SULF2: variants seen among roughly 807,000 people sequenced by gnomAD.
SULF2 encodes the protein sulfatase 2.
Under a neutral mutation model 107.7 loss-of-function variants are expected in SULF2, and 52 were observed. That is an observed-to-expected ratio of 0.48 (90% CI 0.39 to 0.61). The LOEUF (loss-of-function observed/expected upper bound fraction) is 0.61, where lower values mean the gene tolerates loss of function less well. SULF2 is among the 20% of genes least tolerant of loss of function. SULF2 has a pLI of 0.00. For missense variants in SULF2, 993 were observed against 1,177.3 expected (o/e 0.84, Z 2.29); for synonymous variants, 460 against 464.3 (o/e 0.99, Z 0.12).
upstream of SULF2, chr20:47,785,792 C>T (rs898417091): frequency 1.3e-5 from 2 of 149,608 alleles, no homozygotes; most frequent in African/African-American, 4.9e-5. Flanking sequence ...GGGGGCCCAG[C>T]CGCGGTGCCC....
At chr20:47,728,360 G>A (rs1021644665) in intron 3 of SULF2, among the ~76,000 whole-genome samples, 5 of 152,148 alleles carry the variant, frequency 3.3e-5, no homozygotes, top group East Asian at 1.9e-4. Flanking sequence ...ACGGCATCCC[G>A]GGAATAATTT....
chr20:47,768,876 G>GTT (rs2090574153), intron 1 of SULF2, among the ~76,000 whole-genome samples: 1 of 136,552 alleles, frequency 7.3e-6, no homozygotes, highest in Non-Finnish European at 1.6e-5. Context: ...TTGTGTTTGT[G>GTT]TGCGTGTTTT....
rs577011278 is a variant in SULF2, at chr20:47,699,351, C to T, written c.567+3168G>A. 2.3e-3 allele frequency among the ~76,000 whole-genome samples: 356 copies of T among 151,984 alleles called. 2 individuals are homozygous for T. The highest frequency in any genetic ancestry group is 8.1e-3 in the African/African-American group (334 of 41,428). On this transcript the variant is annotated intron_variant, in intron 4 of 20. Transcript: ENST00000688720. ...AATGGAACCAAATGTGACTAGTCCACTCCCCTCATATGATTGTTGTGAATA... is the reference window on the plus strand; with the variant it reads ...AATGGAACCAAATGTGACTAGTCCATTCCCCTCATATGATTGTTGTGAATA...
At chr20:47,701,949 T>C (rs2088583779) in intron 4 of SULF2, among the ~76,000 whole-genome samples, 1 of 152,226 alleles carries the variant, frequency 6.6e-6, no homozygotes, top group Admixed American at 6.5e-5. Flanking sequence ...GGCAAGCCTT[T>C]GAATGGTACA....
chr20:47,775,886 A>T (rs562026133), intron 1 of SULF2, among the ~76,000 whole-genome samples: 1 of 152,324 alleles, frequency 6.6e-6, no homozygotes, highest in South Asian at 2.1e-4. Context: ...GCAATGCACA[A>T]TGTAAGTGTC....
At chr20:47,670,376 A>G (rs1366585878) in intron 11 of SULF2, among the ~76,000 whole-genome samples, 1 of 151,598 alleles carries the variant, frequency 6.6e-6, no homozygotes, top group Non-Finnish European at 1.5e-5. Flanking sequence ...TATTTTTAGT[A>G]GACACGGGTT....
chr20:47,706,824 G>C (rs1200914001), intron 3 of SULF2: 1 of 152,202 alleles, frequency 6.6e-6, no homozygotes, highest in Non-Finnish European at 1.5e-5. Context: ...CTCAAACCCA[G>C]CCTTCACCAG....
chr20:47,714,382 C>T (rs1000871720), intron 3 of SULF2, among the ~76,000 whole-genome samples: 20 of 152,100 alleles, frequency 1.3e-4, no homozygotes, highest in Admixed American at 4.6e-4. Context: ...GTCAAGGCTA[C>T]GCACCATGGA....
intron 3 of SULF2, among the ~76,000 whole-genome samples, chr20:47,735,580 T>C (rs1002138806): frequency 2.0e-5 from 3 of 152,184 alleles, no homozygotes; most frequent in Non-Finnish European, 2.9e-5. Flanking sequence ...TTCTGACACA[T>C]GTGGCTTTCT....
chr20:47,784,567 G>T lies in SULF2; in HGVS notation c.-101+776C>A, dbSNP rs6012266. 4.9e-3 allele frequency among the ~76,000 whole-genome samples: 743 copies of T among 152,160 alleles called. 6 individuals are homozygous for T. The highest frequency in any genetic ancestry group is 0.017 in the African/African-American group (705 of 41,506). ...CCCCGAGACGGCATCTCTCTACCCT[G>T]CTGCCCTCCCAGTGAACCGGCAGCT... On this transcript the variant is annotated intron_variant, in intron 1 of 20. Coordinates refer to ENST00000688720, the MANE Select transcript of SULF2 (RefSeq NM_001387048.1).
intron 13 of SULF2, 123 bp downstream of exon 13, chr20:47,665,734 G>T: frequency 1.3e-6 from 1 of 751,964 alleles, no homozygotes; most frequent in Non-Finnish European, 2.3e-6. Context: ...AATCTGTGGG[G>T]ACCTCACTTC....
chr20:47,757,098 C>T, intron 2 of SULF2, 91 bp downstream of exon 2: 2 of 1,229,026 alleles, frequency 1.6e-6, no homozygotes, highest in Non-Finnish European at 2.2e-6. Context: ...CACGACGCAT[C>T]AACACCACCG....
rs1376830083 is a variant in SULF2, at chr20:47,678,703, A to G, written c.1166T>C (p.Leu389Pro). The change falls in exon 8 of 21, where the codon CTG becomes CCG. Residue 389 changes from leucine (L) to proline (P), a missense_variant. Physicochemically the swap from Leu to Pro is moderately conservative, Grantham distance 98. This residue lies in a region of SULF2 where 108 missense variants were observed against 183.9 expected (regional missense o/e 0.59). Coordinates refer to ENST00000688720, the MANE Select transcript of SULF2 (RefSeq NM_001387048.1). The surrounding 1 kb of genome is among the most constrained non-coding windows in gnomAD (Gnocchi z 4.5). ...ATTCACCGGCCGCTCCGTGTCCAGC[A>G]GCTTGAGGATGGATTTCCCGTCCAT... ...ADMDGKSILK[L>P]LDTERPVNRF... The G allele has an allele frequency of 5.6e-6, 9 of 1,613,782 alleles. No individual in the cohort carries two copies. The highest frequency in any genetic ancestry group is 7.6e-6 in the Non-Finnish European group (9 of 1,179,988).
chr20:47,666,212 G>A lies in SULF2; in HGVS notation c.1805+48C>T, dbSNP rs1418668777. The A allele has an allele frequency of 3.1e-6, 5 of 1,609,314 alleles. No homozygotes were observed. The highest frequency in any genetic ancestry group is 2.2e-5 in the East Asian group (1 of 44,738). Reference sequence around the variant, plus strand: ...CAAGAGGTGTGGGAAGCCCTTTGCCGAGGTCTGTCCTGTCCCCTTCACCCT... The same window carrying A: ...CAAGAGGTGTGGGAAGCCCTTTGCCAAGGTCTGTCCTGTCCCCTTCACCCT... On this transcript the variant is annotated intron_variant, in intron 12 of 20. Coordinates refer to ENST00000688720, the MANE Select transcript of SULF2 (RefSeq NM_001387048.1). The surrounding 1 kb of genome is among the most constrained non-coding windows in gnomAD (Gnocchi z 5.4).
At chr20:47,722,004 T>C (rs1205499118) in intron 3 of SULF2, among the ~76,000 whole-genome samples, 1 of 152,108 alleles carries the variant, frequency 6.6e-6, no homozygotes, top group African/African-American at 2.4e-5. Flanking sequence ...GTCACCACAC[T>C]GGGGAGATGG....
rs185726173 is a variant in SULF2, at chr20:47,779,877, G to A, written c.-101+5466C>T. On this transcript the variant is annotated intron_variant, in intron 1 of 20. Coordinates refer to ENST00000688720, the MANE Select transcript of SULF2 (RefSeq NM_001387048.1). ...CCGCCTTGGCCTCCCAAAGTGTTGC[G>A]ATTACAGGCATAAGCCACCGCGTCC... Among the ~76,000 whole-genome samples the A allele has an allele frequency of 9.2e-5, 14 of 152,210 alleles. No individual in the cohort carries two copies. The East Asian group carries it at 1.4e-3, about 15-fold the overall frequency.
At chr20:47,778,798 A>G (rs1386642798) in intron 1 of SULF2, among the ~76,000 whole-genome samples, 1 of 152,226 alleles carries the variant, frequency 6.6e-6, no homozygotes, top group Non-Finnish European at 1.5e-5. Flanking sequence ...ATATGCTAAA[A>G]ATATTCATCA....
At position 47,737,755 on chromosome 20, in the gene SULF2, G is replaced by GTTTTTT. The variant is rs11484375; in HGVS notation, c.176-819_176-814dup. Reference sequence around the variant, plus strand: ...CTGCTCTTGTTTCTTTCTTTTCTTTGTTTTTTTTTTTTTTTTTTTTTTTTT... The same window carrying GTTTTTT: ...CTGCTCTTGTTTCTTTCTTTTCTTTGTTTTTTTTTTTTTTTTTTTTTTTTTTTTTTT... On this transcript the variant is annotated intron_variant, in intron 2 of 20. Coordinates refer to ENST00000688720, the MANE Select transcript of SULF2 (RefSeq NM_001387048.1). 1.3e-3 allele frequency among the ~76,000 whole-genome samples: 81 copies of GTTTTTT among 61,842 alleles called. 6 individuals carry two copies. The highest frequency in any genetic ancestry group is 3.5e-3 in the African/African-American group (56 of 15,970). The allele number at this position is 61,842 out of a possible 152,430, so 40.6% of individuals were successfully genotyped here.
At chr20:47,757,983 T>G (rs1372571652) in intron 1 of SULF2, among the ~76,000 whole-genome samples, 1 of 152,066 alleles carries the variant, frequency 6.6e-6, no homozygotes. Flanking sequence ...ACAACTGGCA[T>G]GTGTGAGTGG....
Sources: allele counts gnomAD v4.1 joint callset (sites outside exome capture counted in the v4.1 genomes callset), GRCh38; gene constraint gnomAD v4.1.1; regional missense constraint gnomAD v4.1.1; non-coding constraint Gnocchi (gnomAD v3.1); transcripts MANE v1.5; gene names NCBI Gene and HGNC (gene_info 2026-07-23, HGNC 2026-07-21).